Variants in LINGO2 observed in about 807,000 individuals in gnomAD.
LINGO2 encodes the protein leucine rich repeat and Ig domain containing 2, also known as leucine-rich repeat and immunoglobulin-like domain-containing nogo receptor-interacting protein 2.
A neutral mutation model predicts 30.6 loss-of-function variants in LINGO2; 14 were observed. The ratio of observed to expected loss-of-function variants is 0.46; its 90% CI spans 0.30 to 0.72. LINGO2 has a LOEUF of 0.72. Among genes scored for constraint, LINGO2 ranks in the 30% least tolerant of loss-of-function variants. LINGO2 has a pLI of 0.07. For missense variants in LINGO2, 729 were observed against 751.7 expected, an observed-to-expected ratio of 0.97 and a Z score of 0.35; for synonymous variants, 317 against 288.5, an observed-to-expected ratio of 1.10 and a Z score of -1.00.
intron 4 of LINGO2, among the ~76,000 whole-genome samples, chr9:28,193,935 G>T (rs190542349): frequency 1.3e-5 from 2 of 152,106 alleles, no homozygotes; most frequent in Admixed American, 1.3e-4. Context: ...CTGCTCATAC[G>T]GCAGCTGATT....
intron 4 of LINGO2, among the ~76,000 whole-genome samples, chr9:28,218,678 G>A (rs1820854697): frequency 6.6e-6 from 1 of 152,020 alleles, no homozygotes. Flanking sequence ...GAAGGACAAA[G>A]CTGAAGAAGC....
chr9:28,605,127 GA>G (rs971187498), intron 1 of LINGO2, among the ~76,000 whole-genome samples: 2 of 151,778 alleles, frequency 1.3e-5, no homozygotes, highest in African/African-American at 2.4e-5. Context: ...TTTAAATTTA[GA>G]AAAACTATAA....
chr9:28,445,485 G>T (rs181507352), intron 2 of LINGO2, among the ~76,000 whole-genome samples: 90 of 152,314 alleles, frequency 5.9e-4, no homozygotes, highest in Middle Eastern at 3.4e-3. Flanking sequence ...TGGAGAAATA[G>T]CTATGTACAC....
intron 1 of LINGO2, among the ~76,000 whole-genome samples, chr9:28,564,878 ATT>A (rs1823284813): frequency 6.6e-6 from 1 of 152,062 alleles, no homozygotes; most frequent in Admixed American, 6.5e-5. Context: ...GACAGTGCCG[ATT>A]ATACATCATT....
rs563308497 is a variant in LINGO2 at position 28,035,904 on chromosome 9, ACAC to A, written c.-86-23502_-86-23500del. 5.2e-3 allele frequency among the ~76,000 whole-genome samples: 794 copies of A among 151,776 alleles called. 9 individuals carry two copies. Among genetic ancestry groups the A allele is most frequent in the African/African-American group, 0.018 (724 of 41,278 alleles). ...AACACACACACACAAACACACACAC[ACAC>A]ACACACACATGCGCTAATATAATAC... On this transcript the variant is annotated intron_variant, in intron 4 of 5. Transcript: ENST00000379992.
Position 28,514,530 on chromosome 9 carries a change from A to C in LINGO2, c.-364-38505T>G, listed in dbSNP as rs1820541711. ...TTTAGTCATCTGGATAGATCAAACCAGCTACAACATTCTCTAAGCCAAAAC... is the reference window on the plus strand; with the variant it reads ...TTTAGTCATCTGGATAGATCAAACCCGCTACAACATTCTCTAAGCCAAAAC... On this transcript the variant is annotated intron_variant, in intron 1 of 5. Coordinates refer to ENST00000379992, the Ensembl canonical transcript of LINGO2. 2.0e-5 allele frequency among the ~76,000 whole-genome samples: 3 copies of C among 152,358 alleles called. No homozygotes were observed. The South Asian group carries it at 6.2e-4, about 32-fold the overall frequency.
At chr9:28,988,098 G>A in the LINGO2 span, among the ~76,000 whole-genome samples, 1 of 152,104 alleles carries the variant, frequency 6.6e-6, no homozygotes, top group African/African-American at 2.4e-5. Flanking sequence ...ATTTTCTGTT[G>A]AGATGAATGG....
At chr9:28,770,236 A>C in the LINGO2 span, among the ~76,000 whole-genome samples, 1 of 152,126 alleles carries the variant, frequency 6.6e-6, no homozygotes, top group Non-Finnish European at 1.5e-5. Flanking sequence ...CACTTGTATC[A>C]GTTTGTGATT....
At chr9:29,174,195 T>A in the LINGO2 span, among the ~76,000 whole-genome samples, 74 of 152,186 alleles carry the variant, frequency 4.9e-4, no homozygotes, top group African/African-American at 1.7e-3. Flanking sequence ...TGATGATCTA[T>A]CTCACACTAT....
At chr9:27,963,097 T>A (rs548450056) in intron 5 of LINGO2, among the ~76,000 whole-genome samples, 63 of 152,302 alleles carry the variant, frequency 4.1e-4, no homozygotes, top group Non-Finnish European at 7.1e-4. Flanking sequence ...AATTCTGATT[T>A]TGACATTTGT....
At chr9:28,394,354 G>T (rs1441182318) in intron 2 of LINGO2, among the ~76,000 whole-genome samples, 1 of 151,670 alleles carries the variant, frequency 6.6e-6, no homozygotes, top group African/African-American at 2.4e-5. Context: ...AAAGCAAATG[G>T]GGATTGTTTT....
At chr9:28,646,786 G>C (rs551980654) in intron 1 of LINGO2, among the ~76,000 whole-genome samples, 27 of 152,100 alleles carry the variant, frequency 1.8e-4, no homozygotes, top group Non-Finnish European at 1.9e-4. Context: ...ATGTAGTTTG[G>C]TACATAGCTT....
intron 4 of LINGO2, among the ~76,000 whole-genome samples, chr9:28,183,990 A>C (rs1338632194): frequency 6.6e-6 from 1 of 152,224 alleles, no homozygotes. Context: ...TGGGCCTCAC[A>C]GCCCTTCTCA....
At chr9:29,102,613 T>C in the LINGO2 span, among the ~76,000 whole-genome samples, 3 of 152,166 alleles carry the variant, frequency 2.0e-5, no homozygotes, top group African/African-American at 4.8e-5. Context: ...TGTTTTTATC[T>C]TAACCTGAAG....
At chr9:28,533,874 C>T (rs1278694692) in intron 1 of LINGO2, among the ~76,000 whole-genome samples, 1 of 152,048 alleles carries the variant, frequency 6.6e-6, no homozygotes, top group Non-Finnish European at 1.5e-5. Flanking sequence ...CTGTTCATGA[C>T]ATTATTATTT....
chr9:28,926,209 G>T, the LINGO2 span, among the ~76,000 whole-genome samples: 19 of 152,294 alleles, frequency 1.2e-4, no homozygotes, highest in African/African-American at 4.6e-4. Context: ...AGCTACTTGG[G>T]AGGCTGAGGC....
intron 2 of LINGO2, among the ~76,000 whole-genome samples, chr9:28,400,829 T>A (rs1255027801): frequency 6.6e-6 from 1 of 152,214 alleles, no homozygotes; most frequent in Non-Finnish European, 1.5e-5. Flanking sequence ...TAAGAAGTTC[T>A]GAAAAATAAA....
the LINGO2 span, among the ~76,000 whole-genome samples, chr9:28,716,968 T>C: frequency 1.3e-5 from 2 of 152,198 alleles, no homozygotes; most frequent in Admixed American, 6.6e-5. Context: ...ATATACATTT[T>C]AGTATAAAAT....
chr9:28,685,312 T>C, the LINGO2 span, among the ~76,000 whole-genome samples: 3 of 152,142 alleles, frequency 2.0e-5, no homozygotes, highest in South Asian at 4.1e-4. Flanking sequence ...TTTTTCCTAC[T>C]CTGACCTCTT....
Sources: gnomAD v4.1 joint callset for allele counts (sites outside exome capture counted in the v4.1 genomes callset) on GRCh38, gnomAD v4.1.1 for gene constraint, MANE v1.5 for transcripts, NCBI Gene and HGNC (gene_info 2026-07-23, HGNC 2026-07-21) for gene names.